MBNL2: variants seen among roughly 807,000 people sequenced by gnomAD.
MBNL2 encodes the protein muscleblind-like protein 2.
Under a neutral mutation model 41.9 loss-of-function variants are expected in MBNL2, and 17 were observed. That is an observed-to-expected ratio of 0.41 (90% CI 0.28 to 0.61). The LOEUF (loss-of-function observed/expected upper bound fraction) is 0.61. MBNL2 is among the 20% of genes least tolerant of loss of function. The pLI is 0.35. For missense variants in MBNL2, 336 were observed against 505.6 expected (o/e 0.66, Z 3.22); for synonymous variants, 195 against 182.9 (o/e 1.07, Z -0.53).
At chr13:97,377,150 G>A (rs117487354) in intron 8 of MBNL2, among the ~76,000 whole-genome samples, 2,637 of 152,300 alleles carry the variant, frequency 0.017, 37 homozygotes, top group Non-Finnish European at 0.027. Flanking sequence ...AACACGTCCT[G>A]TAAGGGACCA....
the MBNL2 span, among the ~76,000 whole-genome samples, chr13:97,149,670 G>A: frequency 1.7e-3 from 263 of 152,238 alleles, no homozygotes; most frequent in African/African-American, 5.6e-3. Context: ...GAGAGGGTCA[G>A]CTGCCCAACA....
intron 2 of MBNL2, among the ~76,000 whole-genome samples, chr13:97,314,692 A>G (rs937940850): frequency 2.6e-5 from 4 of 152,290 alleles, no homozygotes; most frequent in South Asian, 4.1e-4. Context: ...TTCTTCTTTG[A>G]GATAATCCGC....
intron 2 of MBNL2, among the ~76,000 whole-genome samples, chr13:97,331,761 A>G (rs546207496): frequency 7.8e-4 from 118 of 152,214 alleles, no homozygotes; most frequent in Non-Finnish European, 1.4e-3. Context: ...GTGATCAATA[A>G]CATTCTTTAC....
At chr13:97,306,121 A>G (rs1335903675) in intron 2 of MBNL2, among the ~76,000 whole-genome samples, 1 of 152,146 alleles carries the variant, frequency 6.6e-6, no homozygotes, top group Non-Finnish European at 1.5e-5. Context: ...TTTCTATGAC[A>G]TTAAAAATCA....
chr13:97,266,616 T>A (rs993737745), intron 1 of MBNL2, among the ~76,000 whole-genome samples: 1 of 152,250 alleles, frequency 6.6e-6, no homozygotes, highest in Non-Finnish European at 1.5e-5. Flanking sequence ...AAGTCATCGA[T>A]CAACAGAGAG....
chr13:97,309,550 A>G (rs1211643247), intron 2 of MBNL2, among the ~76,000 whole-genome samples: 1 of 152,202 alleles, frequency 6.6e-6, no homozygotes, highest in Non-Finnish European at 1.5e-5. Flanking sequence ...GGGCCCTCAG[A>G]AGGAACCAAC....
chr13:97,198,348 G>A, the MBNL2 span, among the ~76,000 whole-genome samples: 1 of 151,720 alleles, frequency 6.6e-6, no homozygotes, highest in African/African-American at 2.4e-5. Context: ...AAGCCTGTTG[G>A]CCTTCGGACT....
chr13:97,260,822 A>G (rs1594109640), intron 1 of MBNL2, among the ~76,000 whole-genome samples: 1 of 151,952 alleles, frequency 6.6e-6, no homozygotes, highest in African/African-American at 2.4e-5. Flanking sequence ...TCTCCTCTCC[A>G]CCTTCCCCAT....
At chr13:97,166,822 AGATAGATAGAT>A in the MBNL2 span, among the ~76,000 whole-genome samples, 4 of 151,480 alleles carry the variant, frequency 2.6e-5, no homozygotes, top group African/African-American at 7.3e-5. Context: ...ATAGATAGAT[AGATAGATAGAT>A]AGATAGAAAG....
chr13:97,358,786 T>C (rs2153108572), intron 7 of MBNL2, among the ~76,000 whole-genome samples: 1 of 151,698 alleles, frequency 6.6e-6, no homozygotes, highest in East Asian at 1.9e-4. Context: ...ACAAAAAGAG[T>C]TTTTTGATTC....
At chr13:97,212,987 G>A in the MBNL2 span, among the ~76,000 whole-genome samples, 1 of 152,186 alleles carries the variant, frequency 6.6e-6, no homozygotes, top group African/African-American at 2.4e-5. Flanking sequence ...TCTTCTCTAA[G>A]ATTTGCCTGA....
At position 97,334,336 on chromosome 13, in the gene MBNL2, C is replaced by G; in HGVS notation, c.235C>G (p.Leu79Val). 1 of 1,613,604 alleles carries G rather than the reference C, an allele frequency of 6.2e-7. No homozygotes were observed. The highest frequency in any genetic ancestry group is 8.5e-7 in the Non-Finnish European group (1 of 1,179,764). The change falls in exon 3 of 9, where the codon CTA (leucine) becomes GTA (valine). Residue 79 changes from leucine (L) to valine (V), a missense_variant. Physicochemically the swap from Leu to Val is conservative, Grantham distance 32. Transcript: ENST00000679496. This position sits in a 1 kb window ranked among gnomAD's most constrained non-coding sequence, Gnocchi z 5.3. ...LHPPTHLKTQLEINGRNNLIQ... is the reference protein window; with the variant it reads ...LHPPTHLKTQVEINGRNNLIQ... ...CCCTCCGACACACTTAAAAACTCAA[C>G]TAGAAATTAATGGAAGGAACAATTT...
intron 8 of MBNL2, among the ~76,000 whole-genome samples, chr13:97,365,828 A>T (rs2063800898): frequency 6.6e-6 from 1 of 152,212 alleles, no homozygotes; most frequent in African/African-American, 2.4e-5. Flanking sequence ...CAAGAAAAAG[A>T]AACATTGCAA....
intron 8 of MBNL2, among the ~76,000 whole-genome samples, chr13:97,386,849 T>C (rs2065959396): frequency 6.6e-6 from 1 of 152,078 alleles, no homozygotes; most frequent in Non-Finnish European, 1.5e-5. Flanking sequence ...CTTTCCTTAT[T>C]GATAAGCAGA....
intron 1 of MBNL2, among the ~76,000 whole-genome samples, chr13:97,262,292 G>A (rs929548466): frequency 5.3e-5 from 8 of 152,198 alleles, no homozygotes; most frequent in African/African-American, 1.9e-4. Flanking sequence ...CCCCTTGAAA[G>A]CCAGCAGGGA....
chr13:97,233,344 G>T (rs1272596728), intron 1 of MBNL2, among the ~76,000 whole-genome samples: 1 of 78,620 alleles, frequency 1.3e-5, no homozygotes, highest in African/African-American at 5.4e-5. Context: ...AACAGGCCCC[G>T]CTGTGTGATG....
At chr13:97,379,456 C>T (rs1224975379) in intron 8 of MBNL2, among the ~76,000 whole-genome samples, 1 of 152,164 alleles carries the variant, frequency 6.6e-6, no homozygotes, top group Non-Finnish European at 1.5e-5. Flanking sequence ...CACAGAACCT[C>T]ACTTTCAAAT....
intron 2 of MBNL2, among the ~76,000 whole-genome samples, chr13:97,283,415 C>T (rs1224806301): frequency 6.6e-6 from 1 of 152,190 alleles, no homozygotes; most frequent in East Asian, 1.9e-4. Flanking sequence ...CAAACTCTTG[C>T]CTTCCTACTA....
Position 97,296,270 on chromosome 13 carries a change from A to G in MBNL2, c.174+19861A>G, listed in dbSNP as rs547523479. 9.2e-5 allele frequency among the ~76,000 whole-genome samples: 14 copies of G among 152,342 alleles called. No individual in the cohort carries two copies. In the South Asian group the frequency reaches 2.3e-3, roughly 25 times the overall value. ...AGGTAACTTTTTATTAGCCAGTCCA[A>G]GACATTTGTACAACAATATAATTAA... On this transcript the variant is annotated intron_variant, in intron 2 of 8. Coordinates refer to ENST00000679496, the MANE Select transcript of MBNL2 (RefSeq NM_001382683.1).
Sources: allele counts gnomAD v4.1 joint callset (sites outside exome capture counted in the v4.1 genomes callset), GRCh38; gene constraint gnomAD v4.1.1; non-coding constraint Gnocchi (gnomAD v3.1); transcripts MANE v1.5; gene names NCBI Gene and HGNC (gene_info 2026-07-23, HGNC 2026-07-21).